Variants in PRKCD observed in about 807,000 individuals in gnomAD.
PRKCD encodes protein kinase C delta, also known as protein kinase C delta type.
In PRKCD, 20 loss-of-function variants were observed where a neutral mutation model predicts 82.2. That is an observed-to-expected ratio of 0.24 (90% CI 0.17 to 0.35). The LOEUF is 0.35. Among genes scored for constraint, PRKCD ranks in the 10% least tolerant of loss-of-function variants. The pLI, the probability that PRKCD is intolerant of heterozygous loss-of-function variation, is 1.00. For missense variants in PRKCD, 607 were observed against 899.0 expected, an observed-to-expected ratio of 0.68 and a Z score of 4.15; for synonymous variants, 317 against 337.0, an observed-to-expected ratio of 0.94 and a Z score of 0.65.
chr3:53,189,392 C>T (rs562427363), intron 17 of PRKCD, 146 bp downstream of exon 17: 1 of 903,518 alleles, frequency 1.1e-6, no homozygotes, highest in South Asian at 1.8e-5. Flanking sequence ...ATTGCTCTCT[C>T]ACCATGTTCC....
chr3:53,175,723 T>G (rs781919270), intron 2 of PRKCD, among the ~76,000 whole-genome samples: 3 of 152,330 alleles, frequency 2.0e-5, no homozygotes, highest in Admixed American at 6.5e-5. Flanking sequence ...CTGCCCCATC[T>G]GGGTCTCCAG....
At chr3:53,178,646 TC>T (rs1703308113) in intron 3 of PRKCD, 109 bp downstream of exon 3, 2 of 905,882 alleles carry the variant, frequency 2.2e-6, no homozygotes, top group South Asian at 3.4e-5. Context: ...ATTCTGCTCT[TC>T]CTCATCCTTG....
Position 53,181,495 on chromosome 3 carries a change from A to ACCGCC in PRKCD, c.429_433dup (p.Arg145ProfsTer97). ...GACGAGGCCAAGTTCCCAACGATGA[A>ACCGCC]CCGCCGCGGAGCCATCAAACAGGCC... On this transcript the variant is annotated frameshift_variant, in exon 6 of 19. Coordinates refer to ENST00000330452, the MANE Select transcript of PRKCD (RefSeq NM_006254.4). LOFTEE classifies it high-confidence loss of function. 1.2e-6 allele frequency: 2 copies of ACCGCC among 1,614,106 alleles called. No individual in the cohort carries two copies. The highest frequency in any genetic ancestry group is 1.7e-6 in the Non-Finnish European group (2 of 1,180,018).
At chr3:53,181,811 G>A in intron 7 of PRKCD, 79 bp downstream of exon 7, 1 of 1,592,738 alleles carries the variant, frequency 6.3e-7, no homozygotes, top group Non-Finnish European at 8.6e-7. Flanking sequence ...GTATGCCAGT[G>A]CCTGTGTGCG....
rs1460790436 is a variant in PRKCD, at chr3:53,169,895, A to G, written c.-20+4680A>G. Among the ~76,000 whole-genome samples the G allele has an allele frequency of 4.6e-5, 7 of 152,214 alleles. No homozygotes were observed. Among genetic ancestry groups the G allele is most frequent in the Non-Finnish European group, 8.8e-5 (6 of 68,026 alleles). On this transcript the variant is annotated intron_variant, in intron 2 of 18. Transcript: ENST00000330452. The surrounding 1 kb of genome is among the most constrained non-coding windows in gnomAD (Gnocchi z 4.7). Reference sequence around the variant, plus strand: ...AGATCGCGGAGCACCCAGGCAGCAGATCTGAGCTAGGCCTGTCTAGGTCCA... The same window carrying G: ...AGATCGCGGAGCACCCAGGCAGCAGGTCTGAGCTAGGCCTGTCTAGGTCCA...
Position 53,192,128 on chromosome 3 carries a change from T to C in PRKCD, c.1893T>C (p.Ser631=). The C allele has an allele frequency of 6.2e-7, 1 of 1,613,978 alleles. No homozygotes were observed. The highest frequency in any genetic ancestry group is 1.1e-5 in the South Asian group (1 of 91,074). Residue 631 remains serine (S), a synonymous_variant, in exon 19 of 19, where the codon AGT becomes AGC. Transcript: ENST00000330452. ...RPKVKSPRDY[S]NFDQEFLNEK... is the part of the protein sequence containing the mutation. ...TGTAGAAGTCACCCAGAGACTACAG[T>C]AACTTTGACCAGGAGTTCCTGAACG...
chr3:53,184,690 AAGAG>A (rs1158515006), intron 9 of PRKCD, among the ~76,000 whole-genome samples, 180 bp from the exon 10 acceptor site: 22 of 148,894 alleles, frequency 1.5e-4, no homozygotes, highest in East Asian at 3.9e-4. Flanking sequence ...AAAAAAAAAA[AAGAG>A]AGAGAGAGAG....
rs368768108 is a variant in PRKCD at position 53,181,091 on chromosome 3, G to A, written c.316-116G>A. The A allele has an allele frequency of 5.4e-5, 60 of 1,119,426 alleles. No homozygotes were observed. The South Asian group carries it at 6.0e-4, about 11-fold the overall frequency. 69.3% of individuals were successfully genotyped at this position (1,119,426 alleles called of 1,614,324 possible). On this transcript the variant is annotated intron_variant, in intron 4 of 18. Coordinates refer to ENST00000330452, the MANE Select transcript of PRKCD (RefSeq NM_006254.4). ...ACTGGGCAGACAAGTGTCTGGCTAGGCCTTGGGGGGCTGCCTTGGCCTTGG... is the reference window on the plus strand; with the variant it reads ...ACTGGGCAGACAAGTGTCTGGCTAGACCTTGGGGGGCTGCCTTGGCCTTGG...
intron 2 of PRKCD, among the ~76,000 whole-genome samples, chr3:53,168,990 G>A (rs1702926378): frequency 6.6e-6 from 1 of 152,098 alleles, no homozygotes; most frequent in South Asian, 2.1e-4. Context: ...GGACTGTCGG[G>A]CCGGGGTAGA....
intron 2 of PRKCD, among the ~76,000 whole-genome samples, chr3:53,176,422 C>T (rs559177567): frequency 6.6e-6 from 1 of 152,376 alleles, no homozygotes; most frequent in African/African-American, 2.4e-5. Flanking sequence ...GCAGAGCTGG[C>T]CACTGCTCTG....
Position 53,181,586 on chromosome 3 carries a change from T to A in PRKCD, c.519T>A (p.Ser173=), listed in dbSNP as rs1703442513. 4 of 1,614,152 alleles carry A rather than the reference T, an allele frequency of 2.5e-6. No homozygotes were observed. Among genetic ancestry groups the A allele is most frequent in the South Asian group, 2.2e-5 (2 of 91,094 alleles). The change falls in exon 6 of 19, where the codon TCT becomes TCA. Residue 173 remains serine (S), a synonymous_variant. Transcript: ENST00000330452. ...ATFFGQPTFC[S]VCKDFVWGLN... ...TCTTTGGGCAACCCACCTTCTGTTC[T>A]GTGTGCAAAGACTTTGTCTGGTGAG...
In PRKCD at chr3:53,188,509, G is replaced by A. The variant is rs374357447; in HGVS notation, c.1416-211G>A. 1.9e-4 allele frequency among the ~76,000 whole-genome samples: 29 copies of A among 152,318 alleles called. No homozygotes were observed. The East Asian group carries it at 4.2e-3, about 22-fold the overall frequency. Reference sequence around the variant, plus strand: ...TTTGGGCTTCAGGAAGTAGGGCAGTGTATGCCCAGCGTTTAGCACACAGTA... The same window carrying A: ...TTTGGGCTTCAGGAAGTAGGGCAGTATATGCCCAGCGTTTAGCACACAGTA... On this transcript the variant is annotated intron_variant, in intron 15 of 18. Transcript: ENST00000330452.
At chr3:53,177,155 A>G (rs761547408) in intron 2 of PRKCD, among the ~76,000 whole-genome samples, 1 of 152,064 alleles carries the variant, frequency 6.6e-6, no homozygotes, top group Non-Finnish European at 1.5e-5. Flanking sequence ...TTTAAGAGAT[A>G]GGGTCTCACT....
In PRKCD at chr3:53,192,616, T is replaced by C. The variant is rs1388360754; in HGVS notation, c.*350T>C. The C allele has an allele frequency of 7.3e-6, 1 of 136,594 alleles. No homozygotes were observed. Among genetic ancestry groups the C allele is most frequent in the Non-Finnish European group, 1.5e-5 (1 of 65,116 alleles). The allele number at this position is 136,594 out of a possible 1,614,324, so 8.5% of individuals were successfully genotyped here. A position where few individuals can be genotyped will look rare whatever the true frequency, so the allele number is the denominator to read the frequency against. ...GGGGACTGGTGATATGTTGATCTTTTTCAAAAAAATATATATATGACAAAA... is the reference window on the plus strand; with the variant it reads ...GGGGACTGGTGATATGTTGATCTTTCTCAAAAAAATATATATATGACAAAA... On this transcript the variant is annotated 3_prime_UTR_variant, in exon 19 of 19. Coordinates refer to ENST00000330452, the MANE Select transcript of PRKCD (RefSeq NM_006254.4).
At position 53,178,524 on chromosome 3, in the gene PRKCD, G is replaced by A. The variant is rs1553666437; in HGVS notation, c.102G>A (p.Glu34=). The change falls in exon 3 of 19, where the codon GAG becomes GAA. Residue 34 remains glutamate, a synonymous_variant. Coordinates refer to ENST00000330452, the MANE Select transcript of PRKCD (RefSeq NM_006254.4). ...NQPFCAVKMK[E]ALSTERGKTL... is the part of the protein sequence containing the mutation. Reference sequence around the variant, plus strand: ...CCTTCTGTGCCGTGAAGATGAAGGAGGCGCTCAGCACAGGTAGGCCTGGAG... The same window carrying A: ...CCTTCTGTGCCGTGAAGATGAAGGAAGCGCTCAGCACAGGTAGGCCTGGAG... The A allele has an allele frequency of 1.9e-6, 3 of 1,612,884 alleles. No homozygotes were observed. Among genetic ancestry groups the A allele is most frequent in the Non-Finnish European group, 2.5e-6 (3 of 1,179,688 alleles).
intron 1 of PRKCD, among the ~76,000 whole-genome samples, chr3:53,162,371 AG>A (rs1223760081): frequency 1.3e-5 from 2 of 151,376 alleles, no homozygotes; most frequent in African/African-American, 4.9e-5. Context: ...GGCAGGGGAG[AG>A]CCCCACCGAG....
intron 8 of PRKCD, 89 bp from the exon 9 acceptor site, chr3:53,183,363 G>T: frequency 6.3e-7 from 1 of 1,589,334 alleles, no homozygotes; most frequent in Non-Finnish European, 8.6e-7. Context: ...TTGGGATGTT[G>T]TTGTGCCCAG....
At chr3:53,165,549 G>T (rs1268745625) in intron 2 of PRKCD, among the ~76,000 whole-genome samples, 1 of 152,202 alleles carries the variant, frequency 6.6e-6, no homozygotes, top group Non-Finnish European at 1.5e-5. Flanking sequence ...AAAGATTGAG[G>T]GTGGGTGTGT....
intron 17 of PRKCD, among the ~76,000 whole-genome samples, chr3:53,189,610 T>G (rs782734494): frequency 2.6e-5 from 4 of 152,180 alleles, no homozygotes; most frequent in Non-Finnish European, 4.4e-5. Context: ...TAGAAACATA[T>G]GATGCTCAGC....
Sources: allele counts gnomAD v4.1 joint callset (sites outside exome capture counted in the v4.1 genomes callset), GRCh38; gene constraint gnomAD v4.1.1; non-coding constraint Gnocchi (gnomAD v3.1); transcripts MANE v1.5; gene names NCBI Gene and HGNC (gene_info 2026-07-23, HGNC 2026-07-21).